Variants in CHST3 observed in about 807,000 individuals in gnomAD.
The protein encoded by CHST3 is C6ST-1.
Under a neutral mutation model 35.4 loss-of-function variants are expected in CHST3, and 20 were observed. The observed-to-expected ratio is 0.57, with a 90% CI of 0.40 to 0.82. CHST3 has a LOEUF of 0.82. CHST3 is among the 40% of genes least tolerant of loss of function. The pLI is 0.00. For synonymous variants in CHST3, 334 were observed against 295.9 expected, an observed-to-expected ratio of 1.13 and a Z score of -1.32; for missense variants, 693 against 670.1, an observed-to-expected ratio of 1.03 and a Z score of -0.38.
At chr10:71,987,714 CA>C (rs386371790) in intron 1 of CHST3, among the ~76,000 whole-genome samples, 2,066 of 88,838 alleles carry the variant, frequency 0.023, 23 homozygotes, top group Middle Eastern at 0.051. Flanking sequence ...GAGACTGTCT[CA>C]AAAAAAAAAA....
chr10:71,970,030 C>T (rs1016442234), intron 1 of CHST3, among the ~76,000 whole-genome samples: 22 of 152,238 alleles, frequency 1.4e-4, no homozygotes, highest in African/African-American at 2.4e-4. Flanking sequence ...CTACCCTGAG[C>T]GCGTGGACTC....
At chr10:72,003,179 G>A (rs1840009198) in intron 1 of CHST3, among the ~76,000 whole-genome samples, 1 of 152,204 alleles carries the variant, frequency 6.6e-6, no homozygotes, top group Admixed American at 6.5e-5. Context: ...CTGGCACAGA[G>A]AAATATGCAC....
intron 1 of CHST3, among the ~76,000 whole-genome samples, chr10:71,966,926 A>AT (rs374129188): frequency 6.6e-6 from 1 of 152,280 alleles, no homozygotes; most frequent in East Asian, 1.9e-4. Context: ...GGTTTGTTAC[A>AT]TAGGTAAATT....
At chr10:71,988,513 C>A (rs963324192) in intron 1 of CHST3, among the ~76,000 whole-genome samples, 3 of 152,172 alleles carry the variant, frequency 2.0e-5, no homozygotes, top group Non-Finnish European at 4.4e-5. Context: ...CATTCTCTAT[C>A]TCTCATTCCT....
chr10:71,994,049 G>A (rs1037735119), intron 1 of CHST3, among the ~76,000 whole-genome samples: 20 of 151,870 alleles, frequency 1.3e-4, no homozygotes, highest in Non-Finnish European at 2.9e-4. Context: ...GCAGTGAGCC[G>A]AGATCACGCC....
chr10:71,981,279 G>A (rs886376568), intron 1 of CHST3, among the ~76,000 whole-genome samples: 5 of 152,204 alleles, frequency 3.3e-5, no homozygotes, highest in Non-Finnish European at 7.3e-5. Flanking sequence ...AGACTGGCCT[G>A]TATCCCAAAC....
At position 72,006,796 on chromosome 10, in the gene CHST3, T is replaced by C. The variant is rs147568710; in HGVS notation, c.141-376T>C. 1.1e-4 allele frequency among the ~76,000 whole-genome samples: 17 copies of C among 152,330 alleles called. No homozygotes were observed. The East Asian group carries it at 3.3e-3, about 29-fold the overall frequency. The stretch of plus-strand genomic sequence containing the variant: ...CAAGGACCGTTCTAGCTTGTGCCTA[T>C]TGGGTTCTACTGCAAGCCCCTACAG... On this transcript the variant is annotated intron_variant, in intron 2 of 2. Transcript: ENST00000373115.
At chr10:71,979,382 G>C (rs1328346970) in intron 1 of CHST3, among the ~76,000 whole-genome samples, 1 of 152,062 alleles carries the variant, frequency 6.6e-6, no homozygotes, top group Non-Finnish European at 1.5e-5. Context: ...CTCGGGAGGG[G>C]GGTTAGATGG....
chr10:71,987,437 G>A (rs945498662), intron 1 of CHST3, among the ~76,000 whole-genome samples: 7 of 152,120 alleles, frequency 4.6e-5, no homozygotes, highest in African/African-American at 9.7e-5. Context: ...AGAGGAGACC[G>A]ACGCAGTGAC....
chr10:71,993,828 A>G (rs1382435413), intron 1 of CHST3, among the ~76,000 whole-genome samples: 1 of 151,958 alleles, frequency 6.6e-6, no homozygotes, highest in Non-Finnish European at 1.5e-5. Context: ...GGCCGGGTGC[A>G]GTGGCTCACA....
intron 1 of CHST3, among the ~76,000 whole-genome samples, chr10:71,980,806 C>T (rs1053524095): frequency 1.3e-5 from 2 of 152,192 alleles, no homozygotes; most frequent in Admixed American, 6.5e-5. Context: ...TTGCTAACAT[C>T]CGAACGGTGG....
intron 1 of CHST3, among the ~76,000 whole-genome samples, chr10:71,981,977 G>C (rs189866744): frequency 3.9e-4 from 60 of 152,324 alleles, no homozygotes; most frequent in African/African-American, 1.3e-3. Flanking sequence ...CCTCCAGTCT[G>C]TCAGATGCTG....
intron 1 of CHST3, among the ~76,000 whole-genome samples, chr10:71,976,873 G>A (rs1362240639): frequency 6.6e-6 from 1 of 152,178 alleles, no homozygotes; most frequent in African/African-American, 2.4e-5. Flanking sequence ...TTATTAAATT[G>A]TATAAAATCA....
At chr10:72,005,070 A>T (rs1425631360) in intron 1 of CHST3, among the ~76,000 whole-genome samples, 1 of 152,184 alleles carries the variant, frequency 6.6e-6, no homozygotes, top group Admixed American at 6.5e-5. Flanking sequence ...GGCTGCAGTA[A>T]ACTATGATCG....
intron 1 of CHST3, among the ~76,000 whole-genome samples, chr10:71,995,933 A>G (rs1839934675): frequency 6.6e-6 from 1 of 152,244 alleles, no homozygotes. Context: ...TGGCACTGAT[A>G]AGACTTGCTC....
chr10:72,007,392 G>A lies in CHST3; in HGVS notation c.361G>A (p.Glu121Lys). The change falls in exon 3 of 3, where the codon GAG becomes AAG. Residue 121 changes from glutamate to lysine, a missense_variant. Glu to Lys is a moderately conservative substitution (Grantham distance 56, BLOSUM62 1). Coordinates refer to ENST00000373115, the MANE Select transcript of CHST3 (RefSeq NM_004273.5). ...GEEEEEQRKE[E>K]EPPRPAVAGP... ...GGAAGAGGAAGAGCAGAGAAAGGAG[G>A]AGGAGCCGCCCAGACCGGCCGTGGC... 2 of 1,606,164 alleles carry A rather than the reference G, an allele frequency of 1.2e-6. No individual in the cohort carries two copies. The highest frequency in any genetic ancestry group is 1.7e-6 in the Non-Finnish European group (2 of 1,177,722).
At chr10:71,965,688 CTCAG>C (rs769476320) in intron 1 of CHST3, among the ~76,000 whole-genome samples, 4 of 152,222 alleles carry the variant, frequency 2.6e-5, no homozygotes, top group Non-Finnish European at 5.9e-5. Flanking sequence ...ACAGTGGGCA[CTCAG>C]TCAGTACTTG....
intron 1 of CHST3, among the ~76,000 whole-genome samples, chr10:71,997,683 T>A (rs1035582418): frequency 1.2e-3 from 45 of 37,872 alleles, no homozygotes; most frequent in African/African-American, 2.3e-3. Context: ...TCTCCATAAA[T>A]TTTTTTTTTT....
At chr10:72,005,069 A>G (rs1840025260) in intron 1 of CHST3, among the ~76,000 whole-genome samples, 2 of 152,174 alleles carry the variant, frequency 1.3e-5, no homozygotes, top group Non-Finnish European at 2.9e-5. Flanking sequence ...AGGCTGCAGT[A>G]AACTATGATC....
Sources: allele counts gnomAD v4.1 joint callset (sites outside exome capture counted in the v4.1 genomes callset), GRCh38; gene constraint gnomAD v4.1.1; transcripts MANE v1.5; gene names NCBI Gene and HGNC (gene_info 2026-07-23, HGNC 2026-07-21).